Variants in SOX6 observed in about 807,000 individuals in gnomAD.
SOX6 encodes SRY-box transcription factor 6.
A neutral mutation model predicts 97.8 loss-of-function variants in SOX6; 11 were observed. That is an observed-to-expected ratio of 0.11 (90% CI 0.07 to 0.19). The LOEUF (loss-of-function observed/expected upper bound fraction) is 0.19, where lower values mean the gene tolerates loss of function less well. Ranked by LOEUF, SOX6 falls within the 10% of genes least tolerant of loss-of-function variation. SOX6 has a pLI of 1.00. For synonymous variants in SOX6, 360 were observed against 371.4 expected, an observed-to-expected ratio of 0.97 and a Z score of 0.35; for missense variants, 810 against 1,039.5, an observed-to-expected ratio of 0.78 and a Z score of 3.04.
chr11:16,691,464 A>G (rs911602255), intron 3 of SOX6, among the ~76,000 whole-genome samples: 2 of 152,224 alleles, frequency 1.3e-5, no homozygotes, highest in Non-Finnish European at 2.9e-5. Context: ...TCATGATTAC[A>G]AAAGTAATAC....
chr11:16,161,462 T>G (rs909917785), intron 6 of SOX6, among the ~76,000 whole-genome samples: 3 of 151,854 alleles, frequency 2.0e-5, no homozygotes, highest in Admixed American at 1.3e-4. Flanking sequence ...GTTCCCCTAA[T>G]CCAAATATTA....
At chr11:16,430,193 C>T (rs900942040) in intron 1 of SOX6, among the ~76,000 whole-genome samples, 3 of 152,120 alleles carry the variant, frequency 2.0e-5, no homozygotes, top group African/African-American at 7.2e-5. Flanking sequence ...ACCCCGACCC[C>T]AGCCCTTTTA....
At chr11:16,250,440 C>T (rs189925900) in intron 3 of SOX6, among the ~76,000 whole-genome samples, 30 of 151,864 alleles carry the variant, frequency 2.0e-4, no homozygotes, top group Middle Eastern at 3.4e-3. Flanking sequence ...TAGTAAAAAG[C>T]GAATGAAAAC....
chr11:16,140,122 C>G (rs1159856475), intron 6 of SOX6, among the ~76,000 whole-genome samples: 5 of 151,920 alleles, frequency 3.3e-5, no homozygotes, highest in African/African-American at 1.2e-4. Flanking sequence ...CAACCAATCT[C>G]CTCATCCTCC....
chr11:16,341,256 C>T lies in SOX6; in HGVS notation c.-4-4G>A, dbSNP rs760496044. On this transcript the variant is annotated splice_polypyrimidine_tract_variant and splice_region_variant and intron_variant, in intron 1 of 15. Transcript: ENST00000683767. ...GGCTTGCTTGGAAGACATTCTTCTG[C>T]AGAAAAAAAACAGAACGGATTAAAA... is the stretch of plus-strand genomic sequence containing the variant. 3.1e-6 allele frequency: 5 copies of T among 1,609,626 alleles called. No individual in the cohort carries two copies. Among genetic ancestry groups the T allele is most frequent in the Middle Eastern group, 1.7e-4 (1 of 6,010 alleles).
intron 4 of SOX6, among the ~76,000 whole-genome samples, chr11:16,573,877 T>C (rs1020866381): frequency 6.6e-6 from 1 of 152,182 alleles, no homozygotes; most frequent in Admixed American, 6.5e-5. Context: ...TGTTCACTTA[T>C]CAAATAACTT....
intron 3 of SOX6, among the ~76,000 whole-genome samples, chr11:16,669,338 A>T (rs1020365148): frequency 1.3e-5 from 2 of 152,248 alleles, no homozygotes; most frequent in Non-Finnish European, 2.9e-5. Context: ...CTTTTCAAAC[A>T]AGGCAGGACA....
intron 4 of SOX6, among the ~76,000 whole-genome samples, chr11:16,524,931 GA>G (rs1260210197): frequency 6.6e-6 from 1 of 152,182 alleles, no homozygotes; most frequent in African/African-American, 2.4e-5. Flanking sequence ...CAAGGGACGT[GA>G]AGGACCTCTT....
intron 4 of SOX6, among the ~76,000 whole-genome samples, chr11:16,501,490 C>T (rs1860708312): frequency 6.6e-6 from 1 of 152,042 alleles, no homozygotes; most frequent in African/African-American, 2.4e-5. Flanking sequence ...AGCTTCTGCA[C>T]AGCAAAAGAA....
At position 16,135,666 on chromosome 11, in the gene SOX6, T is replaced by C. The variant is rs148896516; in HGVS notation, c.778-23743A>G. On this transcript the variant is annotated intron_variant, in intron 6 of 15. Coordinates refer to ENST00000683767, the MANE Select transcript of SOX6 (RefSeq NM_001367873.1). ...TTAATGGATGTGAAGTTGCGCCTTA[T>C]AGGTGAGCAAAGAAGCTGATTTCTT... is the stretch of plus-strand genomic sequence containing the variant. Among the ~76,000 whole-genome samples, 215 of 152,302 alleles carry C rather than the reference T, an allele frequency of 1.4e-3. 1 individual carries two copies. Among genetic ancestry groups the C allele is most frequent in the African/African-American group, 4.8e-3 (199 of 41,554 alleles).
chr11:16,075,076 T>A (rs1433911728), intron 9 of SOX6, among the ~76,000 whole-genome samples: 1 of 151,928 alleles, frequency 6.6e-6, no homozygotes, highest in Non-Finnish European at 1.5e-5. Context: ...AGAAAAAAAG[T>A]CACACACCTA....
intron 2 of SOX6, among the ~76,000 whole-genome samples, chr11:16,733,723 TA>T (rs34111311): frequency 0.53 from 62,003 of 116,626 alleles, 15,402 homozygotes; most frequent in Non-Finnish European, 0.58. Flanking sequence ...ACTTAAAGTA[TA>T]AAAAAAAAAA....
intron 4 of SOX6, among the ~76,000 whole-genome samples, chr11:16,221,643 C>T (rs1021323722): frequency 1.3e-5 from 2 of 152,054 alleles, no homozygotes; most frequent in African/African-American, 4.8e-5. Context: ...AAGTAATTGA[C>T]AGTATTGGTT....
At chr11:16,265,934 G>T (rs1423324142) in intron 3 of SOX6, among the ~76,000 whole-genome samples, 3 of 151,618 alleles carry the variant, frequency 2.0e-5, no homozygotes, top group African/African-American at 7.3e-5. Context: ...AATGAACAGA[G>T]CATCAGTAAG....
At chr11:15,976,862 C>T (rs1039247244) in intron 15 of SOX6, among the ~76,000 whole-genome samples, 7 of 152,132 alleles carry the variant, frequency 4.6e-5, no homozygotes, top group African/African-American at 1.7e-4. Flanking sequence ...TCAGTCCTTA[C>T]TGACTCACCT....
At chr11:16,345,744 T>C (rs763351132) in intron 1 of SOX6, among the ~76,000 whole-genome samples, 9 of 152,086 alleles carry the variant, frequency 5.9e-5, no homozygotes, top group African/African-American at 1.4e-4. Context: ...GACATTATTC[T>C]TTAAAAACAG....
At chr11:16,280,860 A>G (rs767133610) in intron 3 of SOX6, among the ~76,000 whole-genome samples, 9 of 152,146 alleles carry the variant, frequency 5.9e-5, no homozygotes, top group Non-Finnish European at 1.2e-4. Context: ...AACATAAATA[A>G]CATACTATTT....
chr11:16,241,369 A>G (rs1853190125), intron 3 of SOX6, among the ~76,000 whole-genome samples: 1 of 152,176 alleles, frequency 6.6e-6, no homozygotes, highest in Non-Finnish European at 1.5e-5. Context: ...AAAACATTCC[A>G]TTAGAAACTA....
chr11:16,390,523 A>G (rs938438948), intron 1 of SOX6, among the ~76,000 whole-genome samples: 1 of 152,194 alleles, frequency 6.6e-6, no homozygotes, highest in African/African-American at 2.4e-5. Flanking sequence ...ATTGCCTTAA[A>G]GACATATTAA....
Sources: allele counts gnomAD v4.1 joint callset (sites outside exome capture counted in the v4.1 genomes callset), GRCh38; gene constraint gnomAD v4.1.1; transcripts MANE v1.5; gene names NCBI Gene and HGNC (gene_info 2026-07-23, HGNC 2026-07-21).